MALRD1: variants seen among roughly 807,000 people sequenced by gnomAD.
MALRD1 encodes MAM and LDL receptor class A domain containing 1.
MALRD1 carries 247 observed loss-of-function variants against 242.1 expected under a neutral mutation model. The observed-to-expected ratio is 1.02, with a 90% CI of 0.92 to 1.13. MALRD1 has a LOEUF of 1.13. Among genes scored for constraint, MALRD1 ranks in the 50% most tolerant of loss-of-function variants. The pLI is 0.00. For synonymous variants in MALRD1, 995 were observed against 866.6 expected (o/e 1.15, Z -2.60); for missense variants, 2,989 against 2,533.1 (o/e 1.18, Z -3.86).
At chr10:19,562,195 C>G (rs893392856) in intron 32 of MALRD1, among the ~76,000 whole-genome samples, 12 of 152,058 alleles carry the variant, frequency 7.9e-5, no homozygotes, top group African/African-American at 2.9e-4. Flanking sequence ...ACTCAGGAGG[C>G]TGAGGCAGAG....
At position 19,175,465 on chromosome 10, in the gene MALRD1, T is replaced by A. The variant is rs532745488; in HGVS notation, c.1951+137T>A. On this transcript the variant is annotated intron_variant, in intron 14 of 39. Coordinates refer to ENST00000454679, the MANE Select transcript of MALRD1 (RefSeq NM_001142308.3). ...TATCACCTGTTCTTGAAACCTAAAA[T>A]ATATATATATATATATATTTTAAAA... is the stretch of plus-strand genomic sequence containing the variant. 7.1e-4 allele frequency: 122 copies of A among 172,556 alleles called. 1 individual carries two copies. Among genetic ancestry groups the A allele is most frequent in the South Asian group, 1.2e-3 (6 of 5,206 alleles). The allele number at this position is 172,556 out of a possible 1,614,324, so 10.7% of individuals were successfully genotyped here. A position where few individuals can be genotyped will look rare whatever the true frequency, so the allele number is the denominator to read the frequency against.
chr10:19,325,525 A>T (rs1843089489), intron 22 of MALRD1, among the ~76,000 whole-genome samples: 1 of 151,888 alleles, frequency 6.6e-6, no homozygotes, highest in Admixed American at 6.6e-5. Context: ...CCTGGTGGAG[A>T]ATAATGCATA....
At chr10:19,284,497 C>T (rs868810785) in intron 21 of MALRD1, among the ~76,000 whole-genome samples, 6 of 147,402 alleles carry the variant, frequency 4.1e-5, no homozygotes, top group South Asian at 2.2e-4. Flanking sequence ...TGAGAATATG[C>T]GGTGTTTGGT....
At chr10:19,330,254 G>T (rs1189636003) in intron 23 of MALRD1, among the ~76,000 whole-genome samples, 47 of 149,472 alleles carry the variant, frequency 3.1e-4, no homozygotes, top group African/African-American at 1.1e-3. Context: ...TTTTGATAAT[G>T]TGAGAGGCAT....
intron 33 of MALRD1, among the ~76,000 whole-genome samples, chr10:19,586,752 A>T (rs1253595490): frequency 6.6e-6 from 1 of 152,204 alleles, no homozygotes; most frequent in Non-Finnish European, 1.5e-5. Flanking sequence ...GGTGGGCTCC[A>T]CCCAGTTCCA....
chr10:19,341,558 G>A (rs951645646), intron 24 of MALRD1, among the ~76,000 whole-genome samples: 5 of 132,622 alleles, frequency 3.8e-5, no homozygotes, highest in South Asian at 2.3e-4. Context: ...ACACACACAC[G>A]TATTTTATAC....
At chr10:19,153,213 C>T (rs1834005211) in intron 11 of MALRD1, among the ~76,000 whole-genome samples, 1 of 152,132 alleles carries the variant, frequency 6.6e-6, no homozygotes, top group African/African-American at 2.4e-5. Flanking sequence ...ATAACAATTT[C>T]AAATTTATTC....
chr10:19,297,832 GA>G (rs993475108), intron 21 of MALRD1, among the ~76,000 whole-genome samples: 9 of 151,420 alleles, frequency 5.9e-5, no homozygotes, highest in Middle Eastern at 3.4e-3. Flanking sequence ...TCCAGAAAGG[GA>G]AAAAAAAGGC....
At chr10:19,377,976 A>C (rs1845680346) in intron 26 of MALRD1, among the ~76,000 whole-genome samples, 1 of 152,280 alleles carries the variant, frequency 6.6e-6, no homozygotes, top group East Asian at 1.9e-4. Context: ...CATTTTTGTC[A>C]ATCAAGAATT....
At chr10:19,670,988 C>T (rs1351416161) in intron 36 of MALRD1, among the ~76,000 whole-genome samples, 1 of 151,842 alleles carries the variant, frequency 6.6e-6, no homozygotes, top group East Asian at 1.9e-4. Context: ...ACGCCATTCT[C>T]CTGCCTCAGC....
At chr10:19,066,266 A>G (rs533754184) in intron 1 of MALRD1, among the ~76,000 whole-genome samples, 4 of 152,294 alleles carry the variant, frequency 2.6e-5, no homozygotes, top group Admixed American at 2.6e-4. Context: ...TCTGCCATTG[A>G]TTGAATCCAA....
At chr10:19,722,904 G>C (rs981886995) in intron 38 of MALRD1, among the ~76,000 whole-genome samples, 1 of 152,104 alleles carries the variant, frequency 6.6e-6, no homozygotes, top group Non-Finnish European at 1.5e-5. Context: ...AAGCTCTAGA[G>C]GTAGGAGCCA....
intron 5 of MALRD1, among the ~76,000 whole-genome samples, chr10:19,112,777 T>G (rs1836723842): frequency 6.6e-6 from 1 of 152,182 alleles, no homozygotes; most frequent in Non-Finnish European, 1.5e-5. Context: ...GAGAACAGAT[T>G]TATGAGTGGA....
At chr10:19,382,063 T>A (rs967998505) in intron 26 of MALRD1, among the ~76,000 whole-genome samples, 1 of 152,144 alleles carries the variant, frequency 6.6e-6, no homozygotes, top group Admixed American at 6.6e-5. Flanking sequence ...TTCAAAACGT[T>A]ACTCCAGTCT....
At chr10:19,374,481 C>G (rs996101156) in intron 26 of MALRD1, among the ~76,000 whole-genome samples, 4 of 152,156 alleles carry the variant, frequency 2.6e-5, no homozygotes, top group African/African-American at 4.8e-5. Flanking sequence ...AGTTTATTTC[C>G]TGAAGTTCTA....
At chr10:19,129,692 G>T (rs922380235) in intron 8 of MALRD1, among the ~76,000 whole-genome samples, 8 of 150,626 alleles carry the variant, frequency 5.3e-5, no homozygotes, top group African/African-American at 1.9e-4. Context: ...CTATCTGCCA[G>T]AAACTGGAGA....
intron 29 of MALRD1, among the ~76,000 whole-genome samples, chr10:19,451,868 G>A (rs1835346288): frequency 6.6e-6 from 1 of 152,132 alleles, no homozygotes; most frequent in Admixed American, 6.5e-5. Flanking sequence ...CAGAAATTAT[G>A]TGTTTCATAC....
upstream of MALRD1, among the ~76,000 whole-genome samples, chr10:19,048,108 T>C (rs2789317): frequency 0.098 from 14,884 of 152,234 alleles, 829 homozygotes; most frequent in Middle Eastern, 0.13. Flanking sequence ...GTTTCACTTG[T>C]AAAAGTAAAT....
chr10:19,655,527 AGT>A (rs1219961277), intron 36 of MALRD1, among the ~76,000 whole-genome samples: 981 of 81,176 alleles, frequency 0.012, 22 homozygotes, highest in African/African-American at 0.039. Context: ...TATATGTGTG[AGT>A]GTATATATAT....
Sources: allele counts gnomAD v4.1 joint callset (sites outside exome capture counted in the v4.1 genomes callset), GRCh38; gene constraint gnomAD v4.1.1; transcripts MANE v1.5; gene names NCBI Gene and HGNC (gene_info 2026-07-23, HGNC 2026-07-21).